FGF12: variants seen among roughly 807,000 people sequenced by gnomAD.
FGF12 encodes the protein fibroblast growth factor 12.
FGF12 carries 14 observed loss-of-function variants against 23.6 expected under a neutral mutation model. The observed-to-expected ratio is 0.59, with a 90% CI of 0.39 to 0.93. FGF12 has a LOEUF of 0.93. Ranked by LOEUF, FGF12 falls within the 40% of genes least tolerant of loss-of-function variation. The pLI, the probability that FGF12 is intolerant of heterozygous loss-of-function variation, is 0.00. For missense variants in FGF12, 175 were observed against 217.8 expected (o/e 0.80, Z 1.24); for synonymous variants, 62 against 77.3 (o/e 0.80, Z 1.04).
Position 192,409,032 on chromosome 3 carries a change from C to A in FGF12, c.14-48494G>T. 1.0e-6 allele frequency: 1 copy of A among 983,216 alleles called. No homozygotes were observed. Among genetic ancestry groups the A allele is most frequent in the Non-Finnish European group, 1.2e-6 (1 of 829,284 alleles). 60.9% of individuals were successfully genotyped at this position (983,216 alleles called of 1,614,324 possible). On this transcript the variant is annotated intron_variant, in intron 2 of 5. Coordinates refer to ENST00000445105, the MANE Select transcript of FGF12 (RefSeq NM_004113.6). The surrounding 1 kb of genome is among the most constrained non-coding windows in gnomAD (Gnocchi z 4.8). Reference sequence around the variant, plus strand: ...CTGTTTCCAGCTGCGGTGAGAGCAACTCCCGGCCAGCAGCACTGCAAAGAG... The same window carrying A: ...CTGTTTCCAGCTGCGGTGAGAGCAAATCCCGGCCAGCAGCACTGCAAAGAG...
intron 2 of FGF12, among the ~76,000 whole-genome samples, chr3:192,473,025 CGT>C (rs1723216419): frequency 1.3e-5 from 2 of 152,204 alleles, no homozygotes; most frequent in East Asian, 3.9e-4. Flanking sequence ...TCTTTAATGC[CGT>C]TTCTGTACTT....
At chr3:192,202,094 C>G (rs971035922) in intron 4 of FGF12, among the ~76,000 whole-genome samples, 1 of 151,602 alleles carries the variant, frequency 6.6e-6, no homozygotes, top group Non-Finnish European at 1.5e-5. Context: ...GTAAATACAC[C>G]AAAGATTATT....
chr3:192,199,580 G>A (rs941918485), intron 4 of FGF12, among the ~76,000 whole-genome samples: 3 of 152,176 alleles, frequency 2.0e-5, no homozygotes, highest in African/African-American at 7.2e-5. Context: ...CACCTAACCT[G>A]CATTTGGTTT....
chr3:192,650,943 A>T (rs1397836418), intron 2 of FGF12, among the ~76,000 whole-genome samples: 1 of 152,216 alleles, frequency 6.6e-6, no homozygotes, highest in Non-Finnish European at 1.5e-5. Context: ...TTAATTCTAA[A>T]CAGTGATCAA....
chr3:192,703,878 A>T lies in FGF12; in HGVS notation c.13+23303T>A, dbSNP rs1240613248. ...GACTGTGCCCAGCTAATTTTTAAAAATTTTTTTGTAGAGACAAGGTCTCAC... is the reference window on the plus strand; with the variant it reads ...GACTGTGCCCAGCTAATTTTTAAAATTTTTTTTGTAGAGACAAGGTCTCAC... On this transcript the variant is annotated intron_variant, in intron 2 of 5. Coordinates refer to ENST00000445105, the MANE Select transcript of FGF12 (RefSeq NM_004113.6). 3.9e-5 allele frequency among the ~76,000 whole-genome samples: 6 copies of T among 152,108 alleles called. No homozygotes were observed. The East Asian group carries it at 1.2e-3, about 29-fold the overall frequency.
chr3:192,241,836 T>C (rs1365962847), intron 4 of FGF12, among the ~76,000 whole-genome samples: 4 of 152,120 alleles, frequency 2.6e-5, no homozygotes, highest in African/African-American at 9.7e-5. Context: ...AGGAATGAAA[T>C]TCATACGGCT....
chr3:192,642,607 A>G (rs1356414376), intron 2 of FGF12, among the ~76,000 whole-genome samples: 2 of 152,218 alleles, frequency 1.3e-5, no homozygotes, highest in East Asian at 3.8e-4. Context: ...CTTATTCAAC[A>G]AATAAGGTTT....
intron 2 of FGF12, among the ~76,000 whole-genome samples, chr3:192,391,042 T>C (rs1442820000): frequency 6.6e-6 from 1 of 151,958 alleles, no homozygotes; most frequent in African/African-American, 2.4e-5. Context: ...CTCAAAAATA[T>C]AGAGGAGACA....
At chr3:192,621,738 G>A (rs2108648272) in intron 2 of FGF12, among the ~76,000 whole-genome samples, 1 of 143,738 alleles carries the variant, frequency 7.0e-6, no homozygotes, top group South Asian at 2.3e-4. Flanking sequence ...ACATCCTCCT[G>A]CCTCCAGCCC....
At chr3:192,443,117 A>G (rs891738539) in intron 2 of FGF12, among the ~76,000 whole-genome samples, 1 of 152,110 alleles carries the variant, frequency 6.6e-6, no homozygotes, top group African/African-American at 2.4e-5. Context: ...CGTGTCTTCC[A>G]TCTTTATTAA....
chr3:192,574,426 C>A (rs1306230561), intron 2 of FGF12, among the ~76,000 whole-genome samples: 1 of 152,174 alleles, frequency 6.6e-6, no homozygotes, highest in East Asian at 1.9e-4. Context: ...ATGCTTCTGA[C>A]CCTTTACCAT....
At chr3:192,186,314 T>C (rs1716463695) in intron 4 of FGF12, among the ~76,000 whole-genome samples, 2 of 152,240 alleles carry the variant, frequency 1.3e-5, no homozygotes, top group Admixed American at 1.3e-4. Flanking sequence ...ATTGTTTTGA[T>C]ACATTCTAAA....
chr3:192,583,669 A>T (rs886862086), intron 2 of FGF12, among the ~76,000 whole-genome samples: 2 of 152,198 alleles, frequency 1.3e-5, no homozygotes, highest in African/African-American at 4.8e-5. Flanking sequence ...GCAACGTCAC[A>T]GTCTTGACAT....
chr3:192,505,504 C>T (rs558807566), intron 2 of FGF12, among the ~76,000 whole-genome samples: 17 of 152,206 alleles, frequency 1.1e-4, no homozygotes, highest in South Asian at 6.2e-4. Context: ...AAAATTCACA[C>T]GCATAGAATA....
chr3:192,371,728 A>G (rs1379009363), intron 2 of FGF12, among the ~76,000 whole-genome samples: 1 of 124,582 alleles, frequency 8.0e-6, no homozygotes, highest in Non-Finnish European at 1.6e-5. Context: ...TAAGGCAGGT[A>G]CTATCATTGG....
intron 2 of FGF12, among the ~76,000 whole-genome samples, chr3:192,723,962 GAAGGA>G: frequency 9.3e-6 from 1 of 107,252 alleles, no homozygotes; most frequent in African/African-American, 3.5e-5. Context: ...GGGAGGAGAG[GAAGGA>G]GGGGAGGGGA....
intron 2 of FGF12, among the ~76,000 whole-genome samples, chr3:192,442,593 T>A (rs535821698): frequency 1.3e-5 from 2 of 152,184 alleles, no homozygotes; most frequent in Admixed American, 1.3e-4. Context: ...ATGTTTTTCT[T>A]TGGAGAGAAG....
chr3:192,721,758 G>A (rs1719046409), intron 2 of FGF12, among the ~76,000 whole-genome samples: 1 of 152,096 alleles, frequency 6.6e-6, no homozygotes, highest in Admixed American at 6.6e-5. Context: ...CTAGTCAGGT[G>A]GAATAGCTTT....
At chr3:192,404,375 C>T (rs1404724142) in intron 2 of FGF12, among the ~76,000 whole-genome samples, 1 of 152,164 alleles carries the variant, frequency 6.6e-6, no homozygotes, top group East Asian at 1.9e-4. Context: ...CCTTTCCCTC[C>T]TTGATTATGA....
Sources: gnomAD v4.1 joint callset for allele counts (sites outside exome capture counted in the v4.1 genomes callset) on GRCh38, gnomAD v4.1.1 for gene constraint, Gnocchi (gnomAD v3.1) non-coding constraint, MANE v1.5 for transcripts, NCBI Gene and HGNC (gene_info 2026-07-23, HGNC 2026-07-21) for gene names.